MOB3B: variants seen among roughly 807,000 people sequenced by gnomAD.
MOB3B encodes MOB kinase activator-like 2B.
In MOB3B, 7 loss-of-function variants were observed where a neutral mutation model predicts 18.7. The observed-to-expected ratio is 0.37, with a 90% CI of 0.21 to 0.70. The LOEUF (loss-of-function observed/expected upper bound fraction) is 0.70. MOB3B is among the 30% of genes least tolerant of loss of function. The pLI is 0.52. For missense variants in MOB3B, 253 were observed against 281.3 expected (o/e 0.90, Z 0.72); for synonymous variants, 111 against 99.9 (o/e 1.11, Z -0.66).
rs1298232074 is a variant in MOB3B at position 27,325,434 on chromosome 9, C to T, written c.*5153G>A. 1 of 152,172 alleles carries T rather than the reference C, an allele frequency of 6.6e-6. No homozygotes were observed. Among genetic ancestry groups the T allele is most frequent in the Non-Finnish European group, 1.5e-5 (1 of 68,034 alleles). 9.4% of individuals were successfully genotyped at this position (152,172 alleles called of 1,614,324 possible). ...ACAGGAAAATTCTGAAATCAGATCACTATAAGCTAGTAAAACAGGCGAATT... is the reference window on the plus strand; with the variant it reads ...ACAGGAAAATTCTGAAATCAGATCATTATAAGCTAGTAAAACAGGCGAATT... On this transcript the variant is annotated 3_prime_UTR_variant, in exon 4 of 4. Coordinates refer to ENST00000262244, the MANE Select transcript of MOB3B (RefSeq NM_024761.5).
At chr9:27,471,297 G>A (rs1158125018) in intron 1 of MOB3B, among the ~76,000 whole-genome samples, 3 of 152,214 alleles carry the variant, frequency 2.0e-5, no homozygotes, top group East Asian at 3.8e-4. Flanking sequence ...CATCTGAAGA[G>A]TTGTATTTCC....
At chr9:27,482,428 T>C (rs936118900) in intron 1 of MOB3B, among the ~76,000 whole-genome samples, 4 of 152,190 alleles carry the variant, frequency 2.6e-5, no homozygotes, top group Admixed American at 6.5e-5. Flanking sequence ...AAAGGAATGC[T>C]CTGTGCCTAA....
intron 2 of MOB3B, among the ~76,000 whole-genome samples, chr9:27,453,590 AC>A (rs1822825987): frequency 6.6e-6 from 1 of 152,126 alleles, no homozygotes; most frequent in African/African-American, 2.4e-5. Context: ...CTCAAGTAAC[AC>A]ACCATGGCTT....
At chr9:27,516,300 C>A (rs1439373094) in intron 1 of MOB3B, among the ~76,000 whole-genome samples, 1 of 152,252 alleles carries the variant, frequency 6.6e-6, no homozygotes, top group East Asian at 1.9e-4. Flanking sequence ...TCCTACAGCC[C>A]CAAGTGGCAG....
At chr9:27,369,936 C>CTTTTTTTT (rs59186320) in intron 2 of MOB3B, among the ~76,000 whole-genome samples, 1 of 125,952 alleles carries the variant, frequency 7.9e-6, no homozygotes, top group Non-Finnish European at 1.7e-5. Context: ...TTTAATTGTC[C>CTTTTTTTT]TTTTTTTTTT....
At chr9:27,392,479 C>T (rs945316402) in intron 2 of MOB3B, among the ~76,000 whole-genome samples, 6 of 152,084 alleles carry the variant, frequency 3.9e-5, no homozygotes, top group South Asian at 2.1e-4. Context: ...AAGTCGCCTA[C>T]GTTTATGTTG....
At chr9:27,521,314 CTG>C (rs756603814) in intron 1 of MOB3B, among the ~76,000 whole-genome samples, 5 of 152,192 alleles carry the variant, frequency 3.3e-5, no homozygotes, top group African/African-American at 4.8e-5. Context: ...GATGACAAAA[CTG>C]TGCATGGCTG....
chr9:27,527,682 G>T (rs1820457838), intron 1 of MOB3B, among the ~76,000 whole-genome samples: 1 of 152,186 alleles, frequency 6.6e-6, no homozygotes. Context: ...GGACTCATTG[G>T]GGATCCCACA....
At chr9:27,510,492 A>AT (rs1820126745) in intron 1 of MOB3B, among the ~76,000 whole-genome samples, 1 of 152,184 alleles carries the variant, frequency 6.6e-6, no homozygotes. Context: ...AGTAAGTGTG[A>AT]TCTTTTTAAA....
In MOB3B at chr9:27,482,678, T is replaced by A. The variant is rs559044735; in HGVS notation, c.-198-26930A>T. 4.3e-4 allele frequency among the ~76,000 whole-genome samples: 66 copies of A among 152,290 alleles called. No homozygotes were observed. In the South Asian group the frequency reaches 0.014, roughly 32 times the overall value. ...CTGCCCAGATGTCTTTATCTCCCCA[T>A]CTGTACTTCCCACCAAACCCTTTCC... On this transcript the variant is annotated intron_variant, in intron 1 of 3. Transcript: ENST00000262244.
At chr9:27,511,049 C>T (rs952550401) in intron 1 of MOB3B, among the ~76,000 whole-genome samples, 4 of 151,996 alleles carry the variant, frequency 2.6e-5, no homozygotes, top group Admixed American at 2.0e-4. Context: ...CTAAACTGAC[C>T]GCATGGAGAG....
At chr9:27,347,606 G>A (rs778556415) in intron 3 of MOB3B, among the ~76,000 whole-genome samples, 1 of 152,210 alleles carries the variant, frequency 6.6e-6, no homozygotes, top group African/African-American at 2.4e-5. Context: ...TTGCGTGTAG[G>A]ATGGATTCTG....
At chr9:27,398,167 C>A (rs549600095) in intron 2 of MOB3B, among the ~76,000 whole-genome samples, 6 of 152,304 alleles carry the variant, frequency 3.9e-5, no homozygotes, top group African/African-American at 1.4e-4. Context: ...TTGTTATCTT[C>A]ATTTCATTGT....
chr9:27,455,642 T>C lies in MOB3B; in HGVS notation c.-92A>G. On this transcript the variant is annotated 5_prime_UTR_variant, in exon 2 of 4. Transcript: ENST00000262244. ...ATCACAGCCCAACAGTGTTTTCCACTGCCAGCACTCAGGCCCCAGTCTTAC... is the reference window on the plus strand; with the variant it reads ...ATCACAGCCCAACAGTGTTTTCCACCGCCAGCACTCAGGCCCCAGTCTTAC... The C allele has an allele frequency of 6.3e-7, 1 of 1,581,292 alleles. No homozygotes were observed. Among genetic ancestry groups the C allele is most frequent in the East Asian group, 2.2e-5 (1 of 44,790 alleles).
Position 27,481,512 on chromosome 9 carries a change from TTTTTTTTG to T in MOB3B, c.-198-25772_-198-25765del, listed in dbSNP as rs1189158669. 7.4e-3 allele frequency among the ~76,000 whole-genome samples: 547 copies of T among 74,014 alleles called. 4 individuals carry two copies. Among genetic ancestry groups the T allele is most frequent in the Non-Finnish European group, 0.013 (423 of 31,352 alleles). The allele number at this position is 74,014 out of a possible 152,430, so 48.6% of individuals were successfully genotyped here. A position where few individuals can be genotyped will look rare whatever the true frequency, so the allele number is the denominator to read the frequency against. On this transcript the variant is annotated intron_variant, in intron 1 of 3. Coordinates refer to ENST00000262244, the MANE Select transcript of MOB3B (RefSeq NM_024761.5). ...AAGGAAGGTAGTTTTTTTTTTTTTG[TTTTTTTTG>T]TTTTTTTTTTTTTTTGAGACGGAGT... is the stretch of plus-strand genomic sequence containing the variant.
At chr9:27,463,406 T>A (rs1480676307) in intron 1 of MOB3B, among the ~76,000 whole-genome samples, 5 of 151,994 alleles carry the variant, frequency 3.3e-5, no homozygotes, top group Non-Finnish European at 5.9e-5. Flanking sequence ...TACTTAAAAG[T>A]GCCTCTTTAG....
rs969915908 is a variant in MOB3B at position 27,327,234 on chromosome 9, T to G, written c.*3353A>C. 1 of 152,218 alleles carries G rather than the reference T, an allele frequency of 6.6e-6. No homozygotes were observed. Among genetic ancestry groups the G allele is most frequent in the Admixed American group, 6.5e-5 (1 of 15,280 alleles). 9.4% of individuals were successfully genotyped at this position (152,218 alleles called of 1,614,324 possible). On this transcript the variant is annotated 3_prime_UTR_variant, in exon 4 of 4. Coordinates refer to ENST00000262244, the MANE Select transcript of MOB3B (RefSeq NM_024761.5). ...GAACATTAAGGGATGAATGTACGTA[T>G]GCACAGCCTCACACTCTATAAATGT...
At chr9:27,405,763 T>C (rs1004791194) in intron 2 of MOB3B, among the ~76,000 whole-genome samples, 6 of 152,136 alleles carry the variant, frequency 3.9e-5, no homozygotes, top group African/African-American at 1.4e-4. Context: ...AAGGCAAGGA[T>C]AATTCAACAT....
intron 2 of MOB3B, among the ~76,000 whole-genome samples, chr9:27,415,289 T>C (rs1822127653): frequency 6.6e-6 from 1 of 152,224 alleles, no homozygotes; most frequent in Non-Finnish European, 1.5e-5. Flanking sequence ...AATGGTACTG[T>C]TTGCTTTTAG....
Sources: allele counts gnomAD v4.1 joint callset (sites outside exome capture counted in the v4.1 genomes callset), GRCh38; gene constraint gnomAD v4.1.1; transcripts MANE v1.5; gene names NCBI Gene and HGNC (gene_info 2026-07-23, HGNC 2026-07-21).